BLK: variants seen among roughly 807,000 people sequenced by gnomAD.
BLK encodes BLK proto-oncogene, Src family tyrosine kinase, also known as tyrosine-protein kinase Blk.
In BLK, 64 loss-of-function variants were observed where a neutral mutation model predicts 61.8. The ratio of observed to expected loss-of-function variants is 1.03; its 90% CI spans 0.85 to 1.27. BLK has a LOEUF of 1.27. BLK is among the 50% of genes most tolerant of loss of function. BLK has a pLI of 0.00. For missense variants in BLK, 853 were observed against 660.5 expected (o/e 1.29, Z -3.19); for synonymous variants, 351 against 272.0 (o/e 1.29, Z -2.86).
At chr8:11,559,819 G>A (rs371219237) in intron 10 of BLK, 10 of 456,024 alleles carry the variant, frequency 2.2e-5, no homozygotes, top group Non-Finnish European at 3.5e-5. Flanking sequence ...TGGCTCAAGC[G>A]TAATGTCATT....
At chr8:11,526,478 G>C (rs1563441260) in intron 1 of BLK, among the ~76,000 whole-genome samples, 1 of 152,106 alleles carries the variant, frequency 6.6e-6, no homozygotes, top group Non-Finnish European at 1.5e-5. Context: ...CAGCACTTTG[G>C]GAGGCCAAGG....
At chr8:11,495,318 C>CAG (rs3029018) in intron 1 of BLK, among the ~76,000 whole-genome samples, 126,431 of 151,998 alleles carry the variant, frequency 0.83, 52,802 homozygotes, top group Admixed American at 0.87. Context: ...TTTGCAGTAA[C>CAG]AGAAGAAATT....
intron 1 of BLK, among the ~76,000 whole-genome samples, chr8:11,495,029 T>C (rs1232526790): frequency 1.3e-5 from 2 of 152,360 alleles, no homozygotes; most frequent in Non-Finnish European, 2.9e-5. Context: ...AAATGACTGT[T>C]GCTTTCGTTT....
chr8:11,518,413 C>T (rs1305119538), intron 1 of BLK, among the ~76,000 whole-genome samples: 5 of 152,092 alleles, frequency 3.3e-5, no homozygotes, highest in Admixed American at 6.6e-5. Flanking sequence ...ACACAGACAC[C>T]CCACTGTAGG....
At chr8:11,558,709 GC>G (rs1426985873) in intron 10 of BLK, 23 of 456,292 alleles carry the variant, frequency 5.0e-5, no homozygotes, top group African/African-American at 3.2e-4. Flanking sequence ...GAGGGTTTTA[GC>G]CGAGAGCTCT....
chr8:11,513,593 A>T (rs773044751), intron 1 of BLK, among the ~76,000 whole-genome samples: 3 of 152,226 alleles, frequency 2.0e-5, no homozygotes, highest in Non-Finnish European at 4.4e-5. Context: ...ATCCACCCAC[A>T]GCCCTCGCTG....
intron 11 of BLK, among the ~76,000 whole-genome samples, chr8:11,562,411 G>A (rs547244662): frequency 9.2e-5 from 14 of 152,196 alleles, no homozygotes; most frequent in Admixed American, 2.0e-4. Flanking sequence ...TGGGGAGACC[G>A]AGAAATGGAG....
intron 1 of BLK, among the ~76,000 whole-genome samples, chr8:11,534,112 A>T (rs1777801413): frequency 1.3e-5 from 2 of 152,212 alleles, no homozygotes; most frequent in African/African-American, 4.8e-5. Context: ...TGGGGTTGGG[A>T]GTCTGCAAAC....
intron 1 of BLK, among the ~76,000 whole-genome samples, chr8:11,539,679 T>G (rs1294566950): frequency 6.6e-6 from 1 of 152,192 alleles, no homozygotes; most frequent in East Asian, 1.9e-4. Flanking sequence ...TAAATATTTA[T>G]TAAGCCCACA....
chr8:11,498,979 T>C (rs993520029), intron 1 of BLK, among the ~76,000 whole-genome samples: 1 of 152,208 alleles, frequency 6.6e-6, no homozygotes, highest in African/African-American at 2.4e-5. Flanking sequence ...TGCCCAATAT[T>C]CATTTTGAAA....
intron 1 of BLK, among the ~76,000 whole-genome samples, chr8:11,515,590 C>G (rs937375873): frequency 3.9e-5 from 6 of 152,300 alleles, no homozygotes; most frequent in Admixed American, 6.5e-5. Flanking sequence ...CTCTATTTCC[C>G]CCTTCCTTCC....
chr8:11,563,888 T>A lies in BLK; in HGVS notation c.1313-15T>A. 1 of 1,605,378 alleles carries A rather than the reference T, an allele frequency of 6.2e-7. No individual in the cohort carries two copies. Among genetic ancestry groups the A allele is most frequent in the South Asian group, 1.1e-5 (1 of 90,518 alleles). Reference sequence around the variant, plus strand: ...CCCAGCCCCTCACCCCCGCTTGCGGTCTCCTCTGCCGCAGGGATGAGCAAC... The same window carrying A: ...CCCAGCCCCTCACCCCCGCTTGCGGACTCCTCTGCCGCAGGGATGAGCAAC... On this transcript the variant is annotated splice_polypyrimidine_tract_variant and intron_variant, in intron 12 of 12. Coordinates refer to ENST00000259089, the MANE Select transcript of BLK (RefSeq NM_001715.3).
At chr8:11,536,901 G>A (rs1228226460) in intron 1 of BLK, among the ~76,000 whole-genome samples, 2 of 152,178 alleles carry the variant, frequency 1.3e-5, no homozygotes, top group Non-Finnish European at 2.9e-5. Flanking sequence ...TGAACTGATG[G>A]AATCGGGTGC....
intron 6 of BLK, among the ~76,000 whole-genome samples, chr8:11,551,200 C>T (rs1194285988): frequency 6.6e-6 from 1 of 152,186 alleles, no homozygotes; most frequent in Non-Finnish European, 1.5e-5. Context: ...ATGTTAGTTT[C>T]CTGGGCTGCC....
At chr8:11,543,075 A>T in intron 1 of BLK, 149 bp from the exon 2 acceptor site, 1 of 1,211,086 alleles carries the variant, frequency 8.3e-7, no homozygotes, top group Non-Finnish European at 1.2e-6. Flanking sequence ...ACCCGCTTCT[A>T]CCCACGTTCT....
chr8:11,563,219 C>T, intron 12 of BLK, 109 bp downstream of exon 12: 1 of 1,507,182 alleles, frequency 6.6e-7, no homozygotes, highest in Non-Finnish European at 9.0e-7. Flanking sequence ...CAGAGTGAGT[C>T]CCAGAGCGAA....
At chr8:11,545,955 G>A (rs982493021) in intron 2 of BLK, 97 bp from the exon 3 acceptor site, 3 of 1,313,220 alleles carry the variant, frequency 2.3e-6, no homozygotes, top group African/African-American at 2.9e-5. Flanking sequence ...GTAGGTCCCT[G>A]GAGATACCCT....
At chr8:11,499,408 T>A (rs985371887) in intron 1 of BLK, among the ~76,000 whole-genome samples, 2 of 152,202 alleles carry the variant, frequency 1.3e-5, no homozygotes, top group African/African-American at 4.8e-5. Context: ...TTTTGGGAAC[T>A]TCCCCTGTAT....
chr8:11,524,518 C>A (rs1012417247), intron 1 of BLK, among the ~76,000 whole-genome samples: 2 of 152,210 alleles, frequency 1.3e-5, no homozygotes, highest in Non-Finnish European at 2.9e-5. Flanking sequence ...GAACTACATA[C>A]TTCCATACTG....
Sources: allele counts gnomAD v4.1 joint callset (sites outside exome capture counted in the v4.1 genomes callset), GRCh38; gene constraint gnomAD v4.1.1; transcripts MANE v1.5; gene names NCBI Gene and HGNC (gene_info 2026-07-23, HGNC 2026-07-21).